Variants in RBPJ observed in about 807,000 individuals in gnomAD.
RBPJ encodes recombination signal binding protein for immunoglobulin kappa J region.
RBPJ carries 9 observed loss-of-function variants against 67.8 expected under a neutral mutation model. That is an observed-to-expected ratio of 0.13 (90% CI 0.08 to 0.23). The LOEUF is 0.23. Ranked by LOEUF, RBPJ falls within the 10% of genes least tolerant of loss-of-function variation. The pLI is 1.00. For synonymous variants in RBPJ, 198 were observed against 203.3 expected, an observed-to-expected ratio of 0.97 and a Z score of 0.22; for missense variants, 305 against 595.6, an observed-to-expected ratio of 0.51 and a Z score of 5.08.
At chr4:26,127,133 C>G in the RBPJ span, among the ~76,000 whole-genome samples, 1 of 152,130 alleles carries the variant, frequency 6.6e-6, no homozygotes, top group Non-Finnish European at 1.5e-5. Flanking sequence ...AGAGATGCTT[C>G]CTGAAGACAG....
intron 1 of RBPJ, among the ~76,000 whole-genome samples, chr4:26,210,752 C>CTTTTTCT (rs11458584): frequency 4.2e-5 from 2 of 47,272 alleles, no homozygotes; most frequent in Non-Finnish European, 8.2e-5. Flanking sequence ...TCCTTCTTTC[C>CTTTTTCT]TTCTTTCTTT....
At chr4:26,421,511 C>T (rs1191326469) in intron 5 of RBPJ, among the ~76,000 whole-genome samples, 1 of 152,088 alleles carries the variant, frequency 6.6e-6, no homozygotes, top group Non-Finnish European at 1.5e-5. Context: ...GCCATTTGGC[C>T]AGGCTGGTCT....
chr4:26,279,618 T>A (rs1721195707), intron 1 of RBPJ, among the ~76,000 whole-genome samples: 1 of 152,134 alleles, frequency 6.6e-6, no homozygotes, highest in African/African-American at 2.4e-5. Context: ...CGTGGTTGCT[T>A]ACATTTGCTT....
chr4:26,421,239 T>C (rs1735107696), intron 5 of RBPJ, among the ~76,000 whole-genome samples: 1 of 152,190 alleles, frequency 6.6e-6, no homozygotes, highest in African/African-American at 2.4e-5. Flanking sequence ...ACCAAACAAG[T>C]ATGTTTGAAT....
chr4:26,168,226 A>G (rs1370321049), intron 1 of RBPJ, among the ~76,000 whole-genome samples: 2 of 151,898 alleles, frequency 1.3e-5, no homozygotes, highest in African/African-American at 2.4e-5. Flanking sequence ...GTGCCTTTCC[A>G]TGTTTAATGC....
chr4:26,312,450 C>T (rs535746847), intron 1 of RBPJ, among the ~76,000 whole-genome samples: 1 of 152,260 alleles, frequency 6.6e-6, no homozygotes, highest in African/African-American at 2.4e-5. Context: ...TTCTTATGAC[C>T]CTGCTTAGAA....
chr4:26,320,450 T>C, upstream of RBPJ: 1 of 379,074 alleles, frequency 2.6e-6, no homozygotes, highest in East Asian at 4.3e-5. Context: ...CCCAGACATC[T>C]CTGGCGCTCC....
intron 1 of RBPJ, among the ~76,000 whole-genome samples, chr4:26,263,577 GGTT>G (rs1012742911): frequency 1.3e-5 from 2 of 152,026 alleles, no homozygotes; most frequent in African/African-American, 4.8e-5. Context: ...CATGTTTTTT[GGTT>G]GTTGTTTTTG....
chr4:26,121,571 A>G, the RBPJ span, among the ~76,000 whole-genome samples: 2 of 152,092 alleles, frequency 1.3e-5, no homozygotes, highest in African/African-American at 2.4e-5. Flanking sequence ...CTGCTTCCTG[A>G]CACTGCCTCT....
intron 2 of RBPJ, among the ~76,000 whole-genome samples, chr4:26,401,267 C>T (rs527549794): frequency 2.0e-5 from 3 of 152,300 alleles, no homozygotes; most frequent in East Asian, 3.9e-4. Context: ...GTAACAGACC[C>T]GGATCTATTT....
At chr4:26,175,233 C>T (rs1716752425) in intron 1 of RBPJ, among the ~76,000 whole-genome samples, 1 of 152,174 alleles carries the variant, frequency 6.6e-6, no homozygotes, top group Non-Finnish European at 1.5e-5. Flanking sequence ...CAGCTGAGCT[C>T]CCCGCCTGGA....
chr4:26,239,634 G>A lies in RBPJ; in HGVS notation c.-167+76020G>A, dbSNP rs1461814394. The stretch of plus-strand genomic sequence containing the variant: ...AAGGATCCCAGGATACATTTTCAGA[G>A]CAGTCATGGTGTAGTTAATGCATCC... On this transcript the variant is annotated intron_variant, in intron 1 of 4. Coordinates refer to the RBPJ transcript ENST00000512351. Among the ~76,000 whole-genome samples, 4 of 151,952 alleles carry A rather than the reference G, an allele frequency of 2.6e-5. No individual in the cohort carries two copies. The South Asian group carries it at 8.3e-4, about 32-fold the overall frequency.
At chr4:26,164,343 T>G (rs1297044299) in intron 1 of RBPJ, among the ~76,000 whole-genome samples, 1 of 152,256 alleles carries the variant, frequency 6.6e-6, no homozygotes, top group Non-Finnish European at 1.5e-5. Context: ...ATACATACAC[T>G]TGTACACCTA....
chr4:26,132,456 C>T, the RBPJ span, among the ~76,000 whole-genome samples: 1 of 152,022 alleles, frequency 6.6e-6, no homozygotes, highest in African/African-American at 2.4e-5. Context: ...CTGCTCCTCC[C>T]AGAGCTGCTC....
intron 1 of RBPJ, among the ~76,000 whole-genome samples, chr4:26,200,486 T>C (rs1425143364): frequency 6.6e-6 from 1 of 151,976 alleles, no homozygotes; most frequent in Admixed American, 6.6e-5. Flanking sequence ...CTAGGTAACA[T>C]AGGGATACCC....
the RBPJ span, among the ~76,000 whole-genome samples, chr4:26,145,447 T>C: frequency 2.0e-5 from 3 of 152,226 alleles, no homozygotes; most frequent in African/African-American, 7.2e-5. Flanking sequence ...AATCCCTTCA[T>C]GTCAGTTACT....
At position 26,385,109 on chromosome 4, in the gene RBPJ, C is replaced by T. The variant is rs558476954; in HGVS notation, c.21-1244C>T. On this transcript the variant is annotated intron_variant, in intron 1 of 10. Transcript: ENST00000355476. ...GATCTTGGCTCACTGCAACCACTGCCTCCTGGGTTCAAGCGATTCTCCTGC... is the reference window on the plus strand; with the variant it reads ...GATCTTGGCTCACTGCAACCACTGCTTCCTGGGTTCAAGCGATTCTCCTGC... Among the ~76,000 whole-genome samples the T allele has an allele frequency of 6.8e-4, 101 of 149,036 alleles. 1 individual carries two copies. Among genetic ancestry groups the T allele is most frequent in the Admixed American group, 4.7e-4 (7 of 14,840 alleles).
Position 26,428,782 on chromosome 4 carries a change from C to T in RBPJ, c.810C>T (p.Leu270=), listed in dbSNP as rs765543758. 1.9e-6 allele frequency: 3 copies of T among 1,606,856 alleles called. No individual in the cohort carries two copies. The highest frequency in any genetic ancestry group is 2.2e-5 in the South Asian group (2 of 90,884). ...ATGCAGATGATCCTGTGTCACAACTCCATAAATGTGCATTTTACCTTAAGG... is the reference window on the plus strand; with the variant it reads ...ATGCAGATGATCCTGTGTCACAACTTCATAAATGTGCATTTTACCTTAAGG... ...LLDADDPVSQ[L]HKCAFYLKDT... The change falls in exon 8 of 11, where the codon CTC becomes CTT. Residue 270 remains leucine (L), a synonymous_variant. Transcript: ENST00000355476.
intron 2 of RBPJ, among the ~76,000 whole-genome samples, chr4:26,398,374 G>A (rs1269232304): frequency 1.3e-5 from 2 of 152,094 alleles, no homozygotes; most frequent in Admixed American, 1.3e-4. Flanking sequence ...GAAGAATGGC[G>A]ATTAGCACCA....
Sources: gnomAD v4.1 joint callset for allele counts (sites outside exome capture counted in the v4.1 genomes callset) on GRCh38, gnomAD v4.1.1 for gene constraint, MANE v1.5 for transcripts, NCBI Gene and HGNC (gene_info 2026-07-23, HGNC 2026-07-21) for gene names.